Variants in NEDD1 observed in about 807,000 individuals in gnomAD.
NEDD1 encodes the protein protein NEDD1.
Under a neutral mutation model 74.0 loss-of-function variants are expected in NEDD1, and 33 were observed. The observed-to-expected ratio is 0.45, with a 90% CI of 0.34 to 0.60. The LOEUF is 0.60. Ranked by LOEUF, NEDD1 falls within the 20% of genes least tolerant of loss-of-function variation. The pLI is 0.01. For missense variants in NEDD1, 746 were observed against 776.5 expected, an observed-to-expected ratio of 0.96 and a Z score of 0.47; for synonymous variants, 250 against 264.4, an observed-to-expected ratio of 0.95 and a Z score of 0.53.
intron 6 of NEDD1, among the ~76,000 whole-genome samples, chr12:96,932,463 A>AAAAATATAT: frequency 1.1e-4 from 1 of 9,442 alleles, no homozygotes; most frequent in African/African-American, 3.4e-4. Flanking sequence ...AAAAAAAAAA[A>AAAAATATAT]ATATATATAT....
At chr12:96,930,209 ACACTCTCTCTCTCTCTCT>A (rs1876285156) in intron 6 of NEDD1, among the ~76,000 whole-genome samples, 1 of 94,032 alleles carries the variant, frequency 1.1e-5, no homozygotes, top group African/African-American at 4.8e-5. Flanking sequence ...ACACACACAC[ACACTCTCTCTCTCTCTCT>A]CTCTCTCTCT....
chr12:96,912,633 G>C (rs1212750500), intron 3 of NEDD1, 90 bp from the exon 4 acceptor site: 1 of 676,626 alleles, frequency 1.5e-6, no homozygotes, highest in African/African-American at 1.8e-5. Flanking sequence ...TGTCTTCTTA[G>C]TGTGTTAGCT....
Position 96,930,187 on chromosome 12 carries a change from ACACACACACACACACACACACACACT to A in NEDD1, c.490-4787_490-4762del, listed in dbSNP as rs56762092. On this transcript the variant is annotated intron_variant, in intron 6 of 15. Transcript: ENST00000266742. Reference sequence around the variant, plus strand: ...CACACACACACACACACACACACACACACACACACACACACACACACACACTCTCTCTCTCTCTCTCTCTCTCTCTC... The same window carrying A: ...CACACACACACACACACACACACACACTCTCTCTCTCTCTCTCTCTCTCTC... 7.3e-3 allele frequency among the ~76,000 whole-genome samples: 709 copies of A among 97,524 alleles called. 3 individuals carry two copies. Among genetic ancestry groups the A allele is most frequent in the African/African-American group, 0.019 (504 of 26,366 alleles). The allele number at this position is 97,524 out of a possible 152,430, so 64.0% of individuals were successfully genotyped here. A position where few individuals can be genotyped will look rare whatever the true frequency, so the allele number is the denominator to read the frequency against.
At chr12:96,937,846 G>C (rs1877280822) in intron 9 of NEDD1, among the ~76,000 whole-genome samples, 1 of 152,004 alleles carries the variant, frequency 6.6e-6, no homozygotes, top group Non-Finnish European at 1.5e-5. Flanking sequence ...AAACAGTTCT[G>C]AAACAGGATT....
At chr12:96,918,583 G>A (rs565190671) in intron 5 of NEDD1, among the ~76,000 whole-genome samples, 73 of 152,166 alleles carry the variant, frequency 4.8e-4, no homozygotes, top group South Asian at 4.1e-3. Flanking sequence ...TGTGAAATTC[G>A]TAATGTTTAG....
intron 4 of NEDD1, among the ~76,000 whole-genome samples, chr12:96,915,004 G>A (rs2136516718): frequency 6.6e-6 from 1 of 152,184 alleles, no homozygotes; most frequent in Non-Finnish European, 1.5e-5. Flanking sequence ...TTATTTAAAG[G>A]CTGTTTTGAT....
At chr12:96,922,789 G>A (rs1875244231) in intron 6 of NEDD1, among the ~76,000 whole-genome samples, 1 of 152,102 alleles carries the variant, frequency 6.6e-6, no homozygotes, top group South Asian at 2.1e-4. Context: ...ACTTGATTTT[G>A]TCTTTTCCAG....
chr12:96,922,243 G>A (rs1875178644), intron 6 of NEDD1, among the ~76,000 whole-genome samples: 2 of 152,108 alleles, frequency 1.3e-5, no homozygotes, highest in African/African-American at 4.8e-5. Flanking sequence ...TGCTAATATT[G>A]TCATAAAAGC....
intron 11 of NEDD1, among the ~76,000 whole-genome samples, chr12:96,943,216 A>G (rs2136609858): frequency 6.6e-6 from 1 of 152,234 alleles, no homozygotes; most frequent in Admixed American, 6.5e-5. Flanking sequence ...TACCACAGAT[A>G]TATACCAAAT....
Position 96,952,091 on chromosome 12 carries a change from A to G in NEDD1, c.*38A>G. The G allele has an allele frequency of 9.0e-7, 1 of 1,116,926 alleles. No individual in the cohort carries two copies. Among genetic ancestry groups the G allele is most frequent in the Admixed American group, 1.7e-5 (1 of 58,170 alleles). The allele number at this position is 1,116,926 out of a possible 1,614,324, so 69.2% of individuals were successfully genotyped here. On this transcript the variant is annotated 3_prime_UTR_variant, in exon 16 of 16. Coordinates refer to ENST00000266742, the MANE Select transcript of NEDD1 (RefSeq NM_152905.4). ...TACCTTAATGTTCTGTAATTTGGGA[A>G]GTTTCTGGCAACACAGAACTACATA...
At chr12:96,913,810 T>G (rs1017664423) in intron 4 of NEDD1, among the ~76,000 whole-genome samples, 6 of 150,814 alleles carry the variant, frequency 4.0e-5, no homozygotes, top group Admixed American at 2.6e-4. Flanking sequence ...GTTGATAGCT[T>G]TTTTTTTTAA....
chr12:96,944,422 T>A (rs1565812127), intron 12 of NEDD1, among the ~76,000 whole-genome samples: 1 of 152,038 alleles, frequency 6.6e-6, no homozygotes. Context: ...AATGAGCTTT[T>A]CCTCATGTTA....
At chr12:96,934,326 T>G (rs1209250463) in intron 6 of NEDD1, among the ~76,000 whole-genome samples, 1 of 151,962 alleles carries the variant, frequency 6.6e-6, no homozygotes, top group African/African-American at 2.4e-5. Flanking sequence ...ATGTATTATA[T>G]TTTTCCTCTG....
At chr12:96,910,519 A>G (rs567618235) in intron 3 of NEDD1, among the ~76,000 whole-genome samples, 4 of 152,196 alleles carry the variant, frequency 2.6e-5, no homozygotes, top group Admixed American at 6.5e-5. Flanking sequence ...GAGCTCCTCA[A>G]TGTGGATAAA....
intron 6 of NEDD1, among the ~76,000 whole-genome samples, chr12:96,933,321 C>T (rs1397715791): frequency 1.3e-5 from 2 of 152,130 alleles, no homozygotes; most frequent in African/African-American, 2.4e-5. Context: ...ATGTGAAGGA[C>T]GATAACTATA....
intron 6 of NEDD1, among the ~76,000 whole-genome samples, chr12:96,923,816 G>T (rs1875385798): frequency 6.8e-6 from 1 of 147,344 alleles, no homozygotes; most frequent in Admixed American, 6.7e-5. Context: ...GTGTGTGTGT[G>T]TGTGTGTGTG....
chr12:96,923,662 G>A (rs1468322772), intron 6 of NEDD1, among the ~76,000 whole-genome samples: 1 of 152,048 alleles, frequency 6.6e-6, no homozygotes, highest in Non-Finnish European at 1.5e-5. Context: ...TTTATGTTGG[G>A]TTATTCGTGT....
intron 6 of NEDD1, among the ~76,000 whole-genome samples, chr12:96,923,871 A>T (rs932672184): frequency 6.8e-6 from 1 of 146,316 alleles, no homozygotes; most frequent in Non-Finnish European, 1.5e-5. Flanking sequence ...TGTTTTAGTG[A>T]ACAGAAGTTC....
At chr12:96,911,819 T>C (rs1316223577) in intron 3 of NEDD1, among the ~76,000 whole-genome samples, 1 of 152,184 alleles carries the variant, frequency 6.6e-6, no homozygotes, top group Non-Finnish European at 1.5e-5. Context: ...AATTACAGTC[T>C]ATGCTCTGTT....
Sources: gnomAD v4.1 joint callset for allele counts (sites outside exome capture counted in the v4.1 genomes callset) on GRCh38, gnomAD v4.1.1 for gene constraint, MANE v1.5 for transcripts, NCBI Gene and HGNC (gene_info 2026-07-23, HGNC 2026-07-21) for gene names.